The following ABHD18 variants were observed in gnomAD, a reference collection of about 807,000 sequenced individuals.
The protein encoded by ABHD18 is cardiolipin-specific deacylase, mitochondrial.
ABHD18 carries 55 observed loss-of-function variants against 65.9 expected under a neutral mutation model. That is an observed-to-expected ratio of 0.84 (90% confidence interval 0.67 to 1.05). The LOEUF is 1.05. Among genes scored for constraint, ABHD18 ranks in the 50% least tolerant of loss-of-function variants. The pLI is 0.00. For missense variants in ABHD18, 533 were observed against 558.5 expected, an observed-to-expected ratio of 0.95 and a Z score of 0.46; for synonymous variants, 181 against 180.2, an observed-to-expected ratio of 1.00 and a Z score of -0.04.
At chr4:128,014,844 G>A (rs927087787) in intron 7 of ABHD18, among the ~76,000 whole-genome samples, 14 of 152,184 alleles carry the variant, frequency 9.2e-5, no homozygotes, top group Non-Finnish European at 1.5e-4. Context: ...TTGGGAGGCC[G>A]AGGCAGGTGG....
rs1458431605 is a variant in ABHD18, at chr4:128,011,703, A to G, written c.470+3A>G. 2.6e-6 allele frequency: 4 copies of G among 1,548,482 alleles called. No homozygotes were observed. Among genetic ancestry groups the G allele is most frequent in the East Asian group, 2.4e-5 (1 of 41,586 alleles). On this transcript the variant is annotated splice_donor_region_variant and intron_variant, in intron 7 of 12. Transcript: ENST00000645843. ...TGCAGGAAACCCAAGGACCAAGTGT[A>G]AGTATATATCACTTTCATTTTTGCA...
intron 1 of ABHD18, among the ~76,000 whole-genome samples, chr4:127,976,780 G>A (rs976829386): frequency 5.9e-5 from 9 of 152,102 alleles, no homozygotes; most frequent in African/African-American, 1.9e-4. Flanking sequence ...TGTGGCTCAC[G>A]TCCGTAATCC....
intron 1 of ABHD18, among the ~76,000 whole-genome samples, chr4:127,967,202 G>A (rs916522365): frequency 1.6e-4 from 25 of 151,702 alleles, no homozygotes; most frequent in Admixed American, 6.6e-5. Context: ...ATATATGTTG[G>A]ATGAATGCTC....
intron 6 of ABHD18, among the ~76,000 whole-genome samples, chr4:128,009,872 A>G (rs1406430149): frequency 2.0e-5 from 3 of 152,252 alleles, no homozygotes; most frequent in Non-Finnish European, 4.4e-5. Flanking sequence ...ACATGTTTGT[A>G]TAGCTTTAGT....
rs549646508 is a variant in ABHD18, at chr4:128,024,604, A to G, written c.801+3366A>G. Reference sequence around the variant, plus strand: ...GGGACCCTTTGATCTTTACATTTCCATATGTTACTAAACTTCCTTCCTCTT... The same window carrying G: ...GGGACCCTTTGATCTTTACATTTCCGTATGTTACTAAACTTCCTTCCTCTT... On this transcript the variant is annotated intron_variant, in intron 10 of 12. Transcript: ENST00000645843. Among the ~76,000 whole-genome samples the G allele has an allele frequency of 2.0e-3, 307 of 152,186 alleles. 3 individuals are homozygous for G. Among genetic ancestry groups the G allele is most frequent in the African/African-American group, 7.1e-3 (295 of 41,532 alleles).
chr4:127,995,573 C>G (rs1751605010), intron 4 of ABHD18, among the ~76,000 whole-genome samples: 1 of 151,890 alleles, frequency 6.6e-6, no homozygotes, highest in Admixed American at 6.6e-5. Flanking sequence ...AAATATATAT[C>G]AAAATAAACA....
intron 3 of ABHD18, among the ~76,000 whole-genome samples, chr4:127,987,447 C>T (rs571312127): frequency 2.6e-5 from 4 of 151,842 alleles, no homozygotes; most frequent in South Asian, 2.1e-4. Context: ...TGGTGGCTCA[C>T]GCCTGTAATC....
chr4:128,014,763 A>T (rs1270836764), intron 7 of ABHD18, among the ~76,000 whole-genome samples: 4 of 150,946 alleles, frequency 2.6e-5, no homozygotes, highest in Admixed American at 2.6e-4. Context: ...CCCTGTCTCT[A>T]CAAAATATAC....
Position 128,001,648 on chromosome 4 carries a change from A to C in ABHD18, c.279-7272A>C, listed in dbSNP as rs973806306. On this transcript the variant is annotated intron_variant, in intron 4 of 12. Transcript: ENST00000645843. Reference sequence around the variant, plus strand: ...TAGTTAACCCCTTGCCTACTTATGCAATTCTTGGTTCAAAATAACTTCCTT... The same window carrying C: ...TAGTTAACCCCTTGCCTACTTATGCCATTCTTGGTTCAAAATAACTTCCTT... 6 of 1,488,252 alleles carry C rather than the reference A, an allele frequency of 4.0e-6. No homozygotes were observed. The Admixed American group carries it at 1.4e-4, about 35-fold the overall frequency. The allele number at this position is 1,488,252 out of a possible 1,614,324, so 92.2% of individuals were successfully genotyped here. A position where few individuals can be genotyped will look rare whatever the true frequency, so the allele number is the denominator to read the frequency against.
At chr4:127,978,760 T>C (rs1748438351) in intron 1 of ABHD18, among the ~76,000 whole-genome samples, 1 of 152,198 alleles carries the variant, frequency 6.6e-6, no homozygotes, top group African/African-American at 2.4e-5. Context: ...CTAGAGTCTG[T>C]TCTCTTAGCC....
intron 3 of ABHD18, among the ~76,000 whole-genome samples, chr4:127,987,300 C>T (rs1750137548): frequency 6.6e-6 from 1 of 151,812 alleles, no homozygotes; most frequent in Non-Finnish European, 1.5e-5. Flanking sequence ...TGCAGTGAGC[C>T]GAGATCATGC....
intron 7 of ABHD18, among the ~76,000 whole-genome samples, chr4:128,014,784 TA>T (rs112670702): frequency 0.084 from 12,084 of 143,136 alleles, 949 homozygotes; most frequent in East Asian, 0.27. Context: ...CCCCCGCCCC[TA>T]AAAAAAAAAA....
At chr4:128,030,948 A>T in intron 12 of ABHD18, 1 of 1,108,780 alleles carries the variant, frequency 9.0e-7, no homozygotes, top group Non-Finnish European at 1.1e-6. Context: ...GTATTTTAGG[A>T]TGTGAGAAGG....
rs765743526 is a variant in ABHD18 at position 128,008,920 on chromosome 4, G to T, written c.279G>T (p.Arg93Ser). 3 of 1,598,530 alleles carry T rather than the reference G, an allele frequency of 1.9e-6. No individual in the cohort carries two copies. Among genetic ancestry groups the T allele is most frequent in the Non-Finnish European group, 2.6e-6 (3 of 1,173,938 alleles). ...GATAAGTCTATGCTTTTAAAAATAG[G>T]TTCCAATTTATTGTGCCTAAAGAAT... Reference protein sequence around the residue: ...DIMPIESVIARFQFIVPKEWN... With the variant: ...DIMPIESVIASFQFIVPKEWN... Residue 93 changes from arginine to serine, a missense_variant and splice_region_variant, in exon 5 of 13, where the codon AGG (arginine) becomes AGT (serine). By Grantham distance (110) the Arg-to-Ser change is moderately radical (BLOSUM62 -1). Around this residue, in one of 3 missense-constraint regions of ABHD18, gnomAD observed 309 missense variants for 313.5 expected, o/e 0.99. Coordinates refer to ENST00000645843, the MANE Select transcript of ABHD18 (RefSeq NM_001358451.3).
chr4:128,014,270 A>G (rs1438377999), intron 7 of ABHD18, among the ~76,000 whole-genome samples: 1 of 152,188 alleles, frequency 6.6e-6, no homozygotes, highest in Non-Finnish European at 1.5e-5. Flanking sequence ...GGCAGCATCC[A>G]CCGCGCCCAG....
rs1755743774 is a variant in ABHD18, at chr4:128,017,590, A to G, written c.609+89A>G. 3.3e-6 allele frequency: 4 copies of G among 1,215,298 alleles called. No homozygotes were observed. In the South Asian group the frequency reaches 5.0e-5, roughly 15 times the overall value. 75.3% of individuals were successfully genotyped at this position (1,215,298 alleles called of 1,614,324 possible). A position where few individuals can be genotyped will look rare whatever the true frequency, so the allele number is the denominator to read the frequency against. On this transcript the variant is annotated intron_variant, in intron 8 of 12. Transcript: ENST00000645843. ...GTTATTTTAAAAATTCACTTTAGGT[A>G]TAGAATTAGTTTTAGTAAAAGTAGG...
chr4:128,007,730 C>A (rs1185561934), intron 4 of ABHD18, among the ~76,000 whole-genome samples: 20 of 148,232 alleles, frequency 1.3e-4, no homozygotes, highest in African/African-American at 4.8e-4. Flanking sequence ...AACAGTAAGA[C>A]CCTGTCTCCA....
At chr4:127,986,767 T>C (rs893797754) in intron 3 of ABHD18, among the ~76,000 whole-genome samples, 7 of 152,222 alleles carry the variant, frequency 4.6e-5, no homozygotes, top group African/African-American at 1.7e-4. Flanking sequence ...TATTTCCTTG[T>C]GGTTCTGGCT....
intron 1 of ABHD18, among the ~76,000 whole-genome samples, chr4:127,971,405 T>G (rs1050801023): frequency 6.0e-5 from 9 of 150,896 alleles, no homozygotes; most frequent in African/African-American, 1.9e-4. Flanking sequence ...ATTAAAATTA[T>G]CACCTAGAAT....
Sources: allele counts gnomAD v4.1 joint callset (sites outside exome capture counted in the v4.1 genomes callset), GRCh38; gene constraint gnomAD v4.1.1; regional missense constraint gnomAD v4.1.1; transcripts MANE v1.5; gene names NCBI Gene and HGNC (gene_info 2026-07-23, HGNC 2026-07-21).